CNTNAP2: variants seen among roughly 807,000 people sequenced by gnomAD.
CNTNAP2 encodes the protein contactin-associated protein-like 2.
In CNTNAP2, 98 loss-of-function variants were observed where a neutral mutation model predicts 155.2. The observed-to-expected ratio is 0.63, with a 90% CI of 0.54 to 0.75. The LOEUF (loss-of-function observed/expected upper bound fraction) is 0.75, where lower values mean the gene tolerates loss of function less well. CNTNAP2 is among the 30% of genes least tolerant of loss of function. The pLI is 0.00. For missense variants in CNTNAP2, 1,727 were observed against 1,688.1 expected, an observed-to-expected ratio of 1.02 and a Z score of -0.40; for synonymous variants, 651 against 631.2, an observed-to-expected ratio of 1.03 and a Z score of -0.47.
chr7:146,671,494 T>G (rs1226996516), intron 1 of CNTNAP2, among the ~76,000 whole-genome samples: 1 of 151,088 alleles, frequency 6.6e-6, no homozygotes, highest in Non-Finnish European at 1.5e-5. Flanking sequence ...AATCACTGCT[T>G]GTGTAAAGCC....
At chr7:146,546,953 T>A (rs1798038399) in intron 1 of CNTNAP2, among the ~76,000 whole-genome samples, 1 of 151,932 alleles carries the variant, frequency 6.6e-6, no homozygotes, top group Non-Finnish European at 1.5e-5. Flanking sequence ...CCATATGAGA[T>A]CATTCTAACA....
intron 8 of CNTNAP2, among the ~76,000 whole-genome samples, chr7:147,167,113 C>T (rs144444809): frequency 1.3e-5 from 2 of 152,158 alleles, no homozygotes; most frequent in African/African-American, 4.8e-5. Context: ...CATGCTCATC[C>T]ATGCAGCTTT....
rs530782010 is a variant in CNTNAP2, at chr7:147,894,371, G to A, written c.2099-9194G>A. ...TAGGAGATTTTTCTGAGCATGAGTC[G>A]CTTAGAAAAAATCCTGCACTGCAAG... On this transcript the variant is annotated intron_variant, in intron 13 of 23. Coordinates refer to ENST00000361727, the MANE Select transcript of CNTNAP2 (RefSeq NM_014141.6). 1.6e-4 allele frequency among the ~76,000 whole-genome samples: 25 copies of A among 152,196 alleles called. No homozygotes were observed. The South Asian group carries it at 1.9e-3, about 11-fold the overall frequency.
At chr7:146,902,225 C>G (rs1343712030) in intron 3 of CNTNAP2, among the ~76,000 whole-genome samples, 1 of 152,086 alleles carries the variant, frequency 6.6e-6, no homozygotes, top group African/African-American at 2.4e-5. Flanking sequence ...GGAGCAGTGG[C>G]TGGCAGTGAG....
At position 148,213,904 on chromosome 7, in the gene CNTNAP2, G is replaced by A. The variant is rs544586519; in HGVS notation, c.3011-3384G>A. Among the ~76,000 whole-genome samples the A allele has an allele frequency of 6.6e-5, 10 of 152,160 alleles. No homozygotes were observed. In the South Asian group the frequency reaches 2.1e-3, roughly 32 times the overall value. On this transcript the variant is annotated intron_variant, in intron 18 of 23. Transcript: ENST00000361727. ...GCTGAAATGTGGTGGGAGCCTCGGG[G>A]GTCTCAAGTGAATGACTGATTCTTA...
chr7:147,241,726 C>T (rs184589921), intron 8 of CNTNAP2, among the ~76,000 whole-genome samples: 126 of 150,776 alleles, frequency 8.4e-4, no homozygotes, highest in Admixed American at 1.8e-3. Context: ...TGCTCTCTAT[C>T]CTTGCAACTC....
chr7:148,372,094 C>T (rs1052809045), intron 21 of CNTNAP2, among the ~76,000 whole-genome samples: 4 of 151,780 alleles, frequency 2.6e-5, no homozygotes, highest in East Asian at 1.9e-4. Flanking sequence ...CCCAGCTACT[C>T]GGGAGGCTGA....
intron 14 of CNTNAP2, among the ~76,000 whole-genome samples, chr7:147,947,264 T>A (rs113574080): frequency 1.3e-5 from 2 of 152,084 alleles, no homozygotes; most frequent in African/African-American, 4.8e-5. Context: ...TTGATGAGAT[T>A]CCTAGGGAGG....
intron 13 of CNTNAP2, among the ~76,000 whole-genome samples, chr7:147,646,886 A>C (rs1795374102): frequency 6.6e-6 from 1 of 152,154 alleles, no homozygotes; most frequent in African/African-American, 2.4e-5. Flanking sequence ...TCTTAAGATG[A>C]CTCAGAGAGG....
chr7:147,967,361 T>C (rs1801234636), intron 14 of CNTNAP2, among the ~76,000 whole-genome samples: 1 of 152,212 alleles, frequency 6.6e-6, no homozygotes, highest in Non-Finnish European at 1.5e-5. Flanking sequence ...AACTCTAGAG[T>C]ATCGGAGATT....
At chr7:146,624,383 C>G (rs927895399) in intron 1 of CNTNAP2, among the ~76,000 whole-genome samples, 1 of 152,004 alleles carries the variant, frequency 6.6e-6, no homozygotes, top group Non-Finnish European at 1.5e-5. Flanking sequence ...ACATTTAGAA[C>G]TATGATCCAT....
chr7:148,163,013 T>C (rs2116677025), intron 17 of CNTNAP2, among the ~76,000 whole-genome samples: 1 of 152,214 alleles, frequency 6.6e-6, no homozygotes, highest in East Asian at 1.9e-4. Flanking sequence ...AATAAATAAA[T>C]ATAAGACAAT....
intron 3 of CNTNAP2, among the ~76,000 whole-genome samples, chr7:146,969,317 T>C (rs1797731557): frequency 6.6e-6 from 1 of 152,172 alleles, no homozygotes; most frequent in Non-Finnish European, 1.5e-5. Context: ...TCTGTAGATG[T>C]CTATTAGGTC....
At chr7:147,680,517 T>A (rs1795932575) in intron 13 of CNTNAP2, among the ~76,000 whole-genome samples, 2 of 151,886 alleles carry the variant, frequency 1.3e-5, no homozygotes, top group Non-Finnish European at 2.9e-5. Flanking sequence ...CCCCGGCTGT[T>A]TCTGAGATGT....
intron 15 of CNTNAP2, among the ~76,000 whole-genome samples, chr7:148,071,965 G>A (rs189473605): frequency 4.9e-4 from 75 of 152,238 alleles, no homozygotes; most frequent in African/African-American, 1.6e-3. Context: ...CCTGCGCTTC[G>A]TAGCAAATAG....
At chr7:146,348,409 G>A (rs145084611) in intron 1 of CNTNAP2, among the ~76,000 whole-genome samples, 1 of 152,192 alleles carries the variant, frequency 6.6e-6, no homozygotes, top group African/African-American at 2.4e-5. Flanking sequence ...TGGGCAATAA[G>A]AGCAAAACTC....
intron 14 of CNTNAP2, among the ~76,000 whole-genome samples, chr7:147,949,173 C>G (rs111462882): frequency 0.022 from 3,268 of 151,258 alleles, 120 homozygotes; most frequent in African/African-American, 0.074. Flanking sequence ...GCACTCCAGC[C>G]TGGGCAATAA....
At chr7:146,483,328 T>TATATATATAC (rs1459820598) in intron 1 of CNTNAP2, among the ~76,000 whole-genome samples, 20 of 81,536 alleles carry the variant, frequency 2.5e-4, no homozygotes, top group African/African-American at 5.8e-4. Flanking sequence ...TATATATATA[T>TATATATATAC]ACATATATAT....
intron 1 of CNTNAP2, among the ~76,000 whole-genome samples, chr7:146,455,311 A>G (rs1015077985): frequency 2.6e-5 from 4 of 152,224 alleles, no homozygotes; most frequent in African/African-American, 9.6e-5. Context: ...GATCTCTGAA[A>G]GTCATTTTAA....
Sources: allele counts gnomAD v4.1 joint callset (sites outside exome capture counted in the v4.1 genomes callset), GRCh38; gene constraint gnomAD v4.1.1; transcripts MANE v1.5; gene names NCBI Gene and HGNC (gene_info 2026-07-23, HGNC 2026-07-21).